MS4A4A: variants seen among roughly 807,000 people sequenced by gnomAD.
MS4A4A encodes membrane spanning 4-domains A4A.
In MS4A4A, 26 loss-of-function variants were observed where a neutral mutation model predicts 28.0. The ratio of observed to expected loss-of-function variants is 0.93; its 90% CI spans 0.68 to 1.29. MS4A4A has a LOEUF of 1.29. Among genes scored for constraint, MS4A4A ranks in the 50% most tolerant of loss-of-function variants. The probability of loss-of-function intolerance (pLI) is 0.00; values close to 1 mark genes in which losing one functional copy is unlikely to be tolerated. For synonymous variants in MS4A4A, 86 were observed against 100.8 expected, an observed-to-expected ratio of 0.85 and a Z score of 0.88; for missense variants, 290 against 293.1, an observed-to-expected ratio of 0.99 and a Z score of 0.08.
intron 1 of MS4A4A, among the ~76,000 whole-genome samples, chr11:60,286,434 G>A (rs1397244697): frequency 6.6e-6 from 1 of 152,184 alleles, no homozygotes; most frequent in African/African-American, 2.4e-5. Flanking sequence ...TTCAGAGATT[G>A]CAGTAAAGAC....
At chr11:60,300,162 CCAA>C (rs1344082556) in intron 3 of MS4A4A, among the ~76,000 whole-genome samples, 1 of 151,984 alleles carries the variant, frequency 6.6e-6, no homozygotes, top group Non-Finnish European at 1.5e-5. Flanking sequence ...ATTAAAAACT[CCAA>C]CAATTGAATA....
Position 60,292,239 on chromosome 11 carries a change from C to A in MS4A4A, c.56C>A (p.Ala19Asp). The A allele has an allele frequency of 1.3e-6, 2 of 1,554,972 alleles. No homozygotes were observed. Among genetic ancestry groups the A allele is most frequent in the South Asian group, 2.4e-5 (2 of 81,878 alleles). The change falls in exon 2 of 7, where the codon GCC becomes GAC. Residue 19 changes from alanine (A) to aspartate (D), a missense_variant. Ala to Asp is a moderately radical substitution (Grantham distance 126). Transcript: ENST00000337908. ...CRPEESTFSA[A>D]MTTMQGMEQA... ...TCTTATTGTAGCACCTTTTCTGCTG[C>A]CATGACAACCATGCAAGGAATGGAA...
Position 60,287,844 on chromosome 11 carries a change from G to T in MS4A4A, c.42-4381G>T, listed in dbSNP as rs554410719. Among the ~76,000 whole-genome samples, 11 of 152,294 alleles carry T rather than the reference G, an allele frequency of 7.2e-5. No homozygotes were observed. The South Asian group carries it at 1.7e-3, about 23-fold the overall frequency. On this transcript the variant is annotated intron_variant, in intron 1 of 6. Transcript: ENST00000337908. ...AAAGAAATAACTAGGCAAGAAAAAG[G>T]TGTAAGTGGTTTCAAGTGAGTCCAA...
At chr11:60,293,120 C>T (rs1397945882) in intron 2 of MS4A4A, among the ~76,000 whole-genome samples, 1 of 152,096 alleles carries the variant, frequency 6.6e-6, no homozygotes, top group Admixed American at 6.5e-5. Flanking sequence ...TGCAGTGGCA[C>T]AATCTGGGCT....
Position 60,308,389 on chromosome 11 carries a change from T to C in MS4A4A, c.*211T>C. The C allele has an allele frequency of 2.1e-6, 1 of 481,794 alleles. No homozygotes were observed. The allele number at this position is 481,794 out of a possible 1,614,324, so 29.8% of individuals were successfully genotyped here. ...ATTTTTTTCCCTGGAACTCAATAAC[T>C]CATTTCACTGGCTCTTTATCGAGAG... On this transcript the variant is annotated 3_prime_UTR_variant, in exon 7 of 7. Coordinates refer to ENST00000337908, the MANE Select transcript of MS4A4A (RefSeq NM_148975.3).
chr11:60,284,296 A>G (rs1261736874), intron 1 of MS4A4A, among the ~76,000 whole-genome samples: 1 of 152,258 alleles, frequency 6.6e-6, no homozygotes, highest in Non-Finnish European at 1.5e-5. Flanking sequence ...AATGCTAAAT[A>G]CATATTGACT....
At chr11:60,285,595 G>A (rs1020363853) in intron 1 of MS4A4A, among the ~76,000 whole-genome samples, 1 of 152,174 alleles carries the variant, frequency 6.6e-6, no homozygotes, top group Non-Finnish European at 1.5e-5. Flanking sequence ...ACAAAAGAGA[G>A]AAATTTTACA....
intron 1 of MS4A4A, among the ~76,000 whole-genome samples, chr11:60,289,284 G>C (rs555930761): frequency 3.3e-5 from 5 of 152,268 alleles, no homozygotes; most frequent in African/African-American, 1.2e-4. Flanking sequence ...CTCAGAGCCT[G>C]TGAAGACTCT....
chr11:60,288,162 G>T (rs1228480883), intron 1 of MS4A4A, among the ~76,000 whole-genome samples: 2 of 152,210 alleles, frequency 1.3e-5, no homozygotes, highest in African/African-American at 2.4e-5. Flanking sequence ...CCTGATGGAG[G>T]CTCTTTGAAG....
At chr11:60,299,841 T>G (rs987969352) in intron 3 of MS4A4A, among the ~76,000 whole-genome samples, 1 of 152,206 alleles carries the variant, frequency 6.6e-6, no homozygotes, top group East Asian at 1.9e-4. Context: ...CTATCAACAC[T>G]GTAAACATGA....
chr11:60,302,273 T>C (rs773913581), intron 4 of MS4A4A, among the ~76,000 whole-genome samples: 1 of 152,184 alleles, frequency 6.6e-6, no homozygotes, highest in Non-Finnish European at 1.5e-5. Flanking sequence ...GACAGGGCTG[T>C]CCAGCTAAAG....
chr11:60,296,179 G>T (rs2084904062), intron 2 of MS4A4A, among the ~76,000 whole-genome samples: 1 of 151,898 alleles, frequency 6.6e-6, no homozygotes, highest in African/African-American at 2.4e-5. Flanking sequence ...TATTCAGAGT[G>T]TCTCTTCTTG....
chr11:60,291,174 A>G (rs980419210), intron 1 of MS4A4A, among the ~76,000 whole-genome samples: 1 of 152,228 alleles, frequency 6.6e-6, no homozygotes, highest in African/African-American at 2.4e-5. Flanking sequence ...AAGAGATATA[A>G]GAGTAATATG....
At position 60,308,539 on chromosome 11, in the gene MS4A4A, C is replaced by CA. The variant is rs1036923130; in HGVS notation, c.*369dup. ...CAAATAAGGTTTGGAAGCAGAAGAG[C>CA]AAAAAAAAGATATTGTTAAAATGAG... On this transcript the variant is annotated 3_prime_UTR_variant, in exon 7 of 7. Coordinates refer to ENST00000337908, the MANE Select transcript of MS4A4A (RefSeq NM_148975.3). 16 of 183,412 alleles carry CA rather than the reference C, an allele frequency of 8.7e-5. No homozygotes were observed. Among genetic ancestry groups the CA allele is most frequent in the South Asian group, 1.9e-4 (1 of 5,272 alleles). The allele number at this position is 183,412 out of a possible 1,614,324, so 11.4% of individuals were successfully genotyped here.
intron 3 of MS4A4A, among the ~76,000 whole-genome samples, chr11:60,299,563 C>G (rs1428430024): frequency 6.6e-6 from 1 of 151,456 alleles, no homozygotes; most frequent in Non-Finnish European, 1.5e-5. Context: ...ACCTCCGCCT[C>G]CCGGGTTCTC....
At chr11:60,285,044 T>A (rs1287538541) in intron 1 of MS4A4A, among the ~76,000 whole-genome samples, 1 of 152,190 alleles carries the variant, frequency 6.6e-6, no homozygotes, top group East Asian at 1.9e-4. Flanking sequence ...AAAAGTAAGG[T>A]GTTACAGGAA....
At position 60,302,730 on chromosome 11, in the gene MS4A4A, T is replaced by A; in HGVS notation, c.546+13T>A. 1 of 1,610,828 alleles carries A rather than the reference T, an allele frequency of 6.2e-7. No homozygotes were observed. The highest frequency in any genetic ancestry group is 1.7e-4 in the Middle Eastern group (1 of 6,054). On this transcript the variant is annotated intron_variant, in intron 5 of 6. Coordinates refer to ENST00000337908, the MANE Select transcript of MS4A4A (RefSeq NM_148975.3). Reference sequence around the variant, plus strand: ...GTCCATCTTAATGGTTGGTACTGCCTCTTTTCAGGGGATATTATTATAGAA... The same window carrying A: ...GTCCATCTTAATGGTTGGTACTGCCACTTTTCAGGGGATATTATTATAGAA...
chr11:60,289,814 A>C (rs2084837959), intron 1 of MS4A4A, among the ~76,000 whole-genome samples: 1 of 151,814 alleles, frequency 6.6e-6, no homozygotes, highest in Admixed American at 6.6e-5. Flanking sequence ...CAGTTGACTA[A>C]TTCTATTTTC....
In MS4A4A at chr11:60,297,326, G is replaced by A. The variant is rs751324584; in HGVS notation, c.330+1G>A. On this transcript the variant is annotated splice_donor_variant, in intron 3 of 6. Transcript: ENST00000337908. LOFTEE classifies it high-confidence loss of function. ...GTACACAATTTGGGGGTCAGTAATG[G>A]TGAGTAGAGTATCTTTTGATATAAT... 3.1e-6 allele frequency: 5 copies of A among 1,612,928 alleles called. No homozygotes were observed. The highest frequency in any genetic ancestry group is 2.5e-6 in the Non-Finnish European group (3 of 1,179,240).
Sources: allele counts gnomAD v4.1 joint callset (sites outside exome capture counted in the v4.1 genomes callset), GRCh38; gene constraint gnomAD v4.1.1; transcripts MANE v1.5; gene names NCBI Gene and HGNC (gene_info 2026-07-23, HGNC 2026-07-21).